STAU2: variants seen among roughly 807,000 people sequenced by gnomAD.
The protein encoded by STAU2 is staufen double-stranded RNA binding protein 2.
In STAU2, 20 loss-of-function variants were observed where a neutral mutation model predicts 65.9. The observed-to-expected ratio is 0.30, with a 90% confidence interval of 0.21 to 0.44. The LOEUF is 0.44. Ranked by LOEUF, STAU2 falls within the 20% of genes least tolerant of loss-of-function variation. The pLI, the probability that STAU2 is intolerant of heterozygous loss-of-function variation, is 1.00. For missense variants in STAU2, 558 were observed against 683.9 expected, an observed-to-expected ratio of 0.82 and a Z score of 2.05; for synonymous variants, 232 against 233.9, an observed-to-expected ratio of 0.99 and a Z score of 0.07.
At chr8:73,672,407 G>T (rs1039605736) in intron 6 of STAU2, 2 of 152,052 alleles carry the variant, frequency 1.3e-5, no homozygotes. Context: ...TCTGTATCTC[G>T]ATCTGAGTGG....
intron 6 of STAU2, among the ~76,000 whole-genome samples, chr8:73,671,538 T>A (rs536300236): frequency 1.3e-3 from 200 of 152,316 alleles, no homozygotes; most frequent in Non-Finnish European, 1.9e-3. Flanking sequence ...GGCAATGCTT[T>A]ATTCTTTTTA....
intron 3 of STAU2, among the ~76,000 whole-genome samples, chr8:73,733,643 A>G (rs2130760112): frequency 6.6e-6 from 1 of 152,348 alleles, no homozygotes; most frequent in East Asian, 1.9e-4. Flanking sequence ...AATGTTATTT[A>G]CAAATAAAAA....
In STAU2 at chr8:73,658,916, AAAC is replaced by A. The variant is rs1354903801; in HGVS notation, c.410+14188_410+14190del. Among the ~76,000 whole-genome samples, 11 of 129,398 alleles carry A rather than the reference AAAC, an allele frequency of 8.5e-5. No homozygotes were observed. The South Asian group carries it at 1.1e-3, about 13-fold the overall frequency. The allele number at this position is 129,398 out of a possible 152,430, so 84.9% of individuals were successfully genotyped here. A position where few individuals can be genotyped will look rare whatever the true frequency, so the allele number is the denominator to read the frequency against. ...CGACAGAGAGAAACTCCGTCTCAAA[AAAC>A]AACAACAACAACAACAAAAACAACA... On this transcript the variant is annotated intron_variant, in intron 6 of 14. Coordinates refer to ENST00000524300, the MANE Select transcript of STAU2 (RefSeq NM_001164380.2).
chr8:73,578,454 A>G (rs887444025), intron 12 of STAU2, among the ~76,000 whole-genome samples: 5 of 152,160 alleles, frequency 3.3e-5, no homozygotes, highest in African/African-American at 1.2e-4. Flanking sequence ...GCTTCTCACC[A>G]CTCAGGTAGG....
intron 6 of STAU2, among the ~76,000 whole-genome samples, chr8:73,662,315 T>G (rs1816888768): frequency 6.6e-6 from 1 of 152,220 alleles, no homozygotes; most frequent in Non-Finnish European, 1.5e-5. Flanking sequence ...CTAATATATG[T>G]CTTGCTTTTT....
At chr8:73,438,627 G>A (rs529941720) in intron 13 of STAU2, among the ~76,000 whole-genome samples, 8 of 152,324 alleles carry the variant, frequency 5.3e-5, no homozygotes, top group Admixed American at 1.3e-4. Flanking sequence ...GCAGGCAAAC[G>A]GATTCGGGCT....
chr8:73,437,827 G>T (rs1362081888), intron 13 of STAU2, among the ~76,000 whole-genome samples: 1 of 152,112 alleles, frequency 6.6e-6, no homozygotes, highest in Non-Finnish European at 1.5e-5. Context: ...AAGAAGAGAA[G>T]AGCTCGCCCT....
At chr8:73,437,876 C>G (rs1817829293) in intron 13 of STAU2, among the ~76,000 whole-genome samples, 1 of 152,136 alleles carries the variant, frequency 6.6e-6, no homozygotes, top group Non-Finnish European at 1.5e-5. Context: ...ATCAGGCCAC[C>G]TCCCACCTAC....
At chr8:73,481,154 C>T (rs13271034) in intron 13 of STAU2, among the ~76,000 whole-genome samples, 16,566 of 124,986 alleles carry the variant, frequency 0.13, 1,227 homozygotes, top group African/African-American at 0.22. Flanking sequence ...CTTTCACTCT[C>T]TCCCTCTGAG....
intron 13 of STAU2, chr8:73,441,469 G>C (rs1818129496): frequency 6.6e-6 from 1 of 152,290 alleles, no homozygotes; most frequent in African/African-American, 2.4e-5. Context: ...GAACCTGGGA[G>C]GTGGAGGCTG....
At chr8:73,485,900 A>C (rs1736538613) in intron 13 of STAU2, among the ~76,000 whole-genome samples, 1 of 152,120 alleles carries the variant, frequency 6.6e-6, no homozygotes, top group Admixed American at 6.6e-5. Context: ...CAAAACAAGG[A>C]AAGGCAGAGT....
At chr8:73,708,723 T>C (rs1820688445) in intron 4 of STAU2, among the ~76,000 whole-genome samples, 1 of 152,328 alleles carries the variant, frequency 6.6e-6, no homozygotes, top group Admixed American at 6.5e-5. Context: ...CTGGCACTTA[T>C]GAACTATTAA....
At chr8:73,481,070 T>C (rs1287378158) in intron 13 of STAU2, among the ~76,000 whole-genome samples, 1 of 152,172 alleles carries the variant, frequency 6.6e-6, no homozygotes, top group Non-Finnish European at 1.5e-5. Context: ...AGTATTCATG[T>C]ACCCACCTGC....
At chr8:73,498,135 C>A (rs983680627) in intron 13 of STAU2, among the ~76,000 whole-genome samples, 1 of 151,840 alleles carries the variant, frequency 6.6e-6, no homozygotes, top group South Asian at 2.1e-4. Flanking sequence ...CAGAGCCAGC[C>A]TGCCACATAA....
At chr8:73,698,935 AAG>A (rs1554566723) in intron 4 of STAU2, among the ~76,000 whole-genome samples, 2 of 144,312 alleles carry the variant, frequency 1.4e-5, no homozygotes, top group African/African-American at 5.2e-5. Context: ...AAAAAAAAAA[AAG>A]AGAGAGAGAG....
chr8:73,468,951 C>T (rs372732494), intron 13 of STAU2, among the ~76,000 whole-genome samples: 45,270 of 151,352 alleles, frequency 0.3, 7,326 homozygotes, highest in East Asian at 0.55. Flanking sequence ...CATCCCATTA[C>T]TGAGTATATA....
Position 73,552,186 on chromosome 8 carries a change from G to A in STAU2, c.1356C>T (p.Phe452=). The A allele has an allele frequency of 1.9e-6, 3 of 1,613,986 alleles. No homozygotes were observed. The highest frequency in any genetic ancestry group is 4.5e-5 in the East Asian group (2 of 44,864). ...AACTATTCGATGTGGGAGATATACT[G>A]AAGAAAGAGCTTGAAGGTTGGTTCA... is the stretch of plus-strand genomic sequence containing the variant. ...KDMNQPSSSF[F]SISPTSNSSA... is the part of the protein sequence containing the mutation. Residue 452 remains phenylalanine, a synonymous_variant, in exon 13 of 15, where the codon TTC becomes TTT. Coordinates refer to ENST00000524300, the MANE Select transcript of STAU2 (RefSeq NM_001164380.2).
intron 13 of STAU2, among the ~76,000 whole-genome samples, chr8:73,431,218 C>T (rs1817262584): frequency 6.6e-6 from 1 of 152,236 alleles, no homozygotes; most frequent in Non-Finnish European, 1.5e-5. Context: ...AAATGGACAA[C>T]TAAATGATTT....
At chr8:73,667,650 T>C (rs1817336062) in intron 6 of STAU2, among the ~76,000 whole-genome samples, 1 of 152,146 alleles carries the variant, frequency 6.6e-6, no homozygotes, top group African/African-American at 2.4e-5. Flanking sequence ...CATCTATCAT[T>C]CTGTTCTTTC....
Sources: gnomAD v4.1 joint callset for allele counts (sites outside exome capture counted in the v4.1 genomes callset) on GRCh38, gnomAD v4.1.1 for gene constraint, MANE v1.5 for transcripts, NCBI Gene and HGNC (gene_info 2026-07-23, HGNC 2026-07-21) for gene names.